TBX1: variants seen among roughly 807,000 people sequenced by gnomAD.
The protein encoded by TBX1 is T-box transcription factor 1, also known as T-box transcription factor TBX1.
Under a neutral mutation model 40.8 loss-of-function variants are expected in TBX1, and 16 were observed. That is an observed-to-expected ratio of 0.39 (90% CI 0.27 to 0.60). The LOEUF is 0.60. Ranked by LOEUF, TBX1 falls within the 20% of genes least tolerant of loss-of-function variation. The pLI is 0.51. For synonymous variants in TBX1, 403 were observed against 336.8 expected, an observed-to-expected ratio of 1.20 and a Z score of -2.15; for missense variants, 755 against 728.5, an observed-to-expected ratio of 1.04 and a Z score of -0.42.
upstream of TBX1, among the ~76,000 whole-genome samples, chr22:19,757,181 G>A (rs1370354696): frequency 6.6e-6 from 1 of 152,194 alleles, no homozygotes; most frequent in South Asian, 2.1e-4. Context: ...AGCCGGCTGG[G>A]TGGGGCCCCT....
chr22:19,781,315 T>C (rs1439354858), downstream of TBX1, among the ~76,000 whole-genome samples: 4 of 152,134 alleles, frequency 2.6e-5, no homozygotes, highest in Non-Finnish European at 5.9e-5. Context: ...GCTCCTGGAT[T>C]AAGTGATCCT....
chr22:19,758,760 C>T (rs576986837), upstream of TBX1, among the ~76,000 whole-genome samples: 11 of 152,306 alleles, frequency 7.2e-5, no homozygotes, highest in East Asian at 3.9e-4. Context: ...TGGCCAGAGG[C>T]GGGCGGTGCG....
chr22:19,783,200 G>C, downstream of TBX1: 1 of 643,888 alleles, frequency 1.6e-6, no homozygotes, highest in Non-Finnish European at 2.8e-6. Flanking sequence ...GAGCCCACGT[G>C]CCCAGAATGG....
At chr22:19,776,951 G>C (rs988228663) in intron 8 of TBX1, among the ~76,000 whole-genome samples, 1 of 151,988 alleles carries the variant, frequency 6.6e-6, no homozygotes, top group African/African-American at 2.4e-5. Flanking sequence ...GTGCAGGCAG[G>C]AAGGGCCAGC....
At chr22:19,780,651 C>T (rs1407863909), downstream of TBX1, among the ~76,000 whole-genome samples, 1 of 152,104 alleles carries the variant, frequency 6.6e-6, no homozygotes, top group Non-Finnish European at 1.5e-5. Flanking sequence ...ACTGCTGGCT[C>T]ATATGGTAAT....
At chr22:19,765,704 G>C in intron 4 of TBX1, 54 bp from the exon 5 acceptor site, 1 of 1,598,968 alleles carries the variant, frequency 6.3e-7, no homozygotes, top group South Asian at 1.1e-5. Flanking sequence ...CGCCGAGGTC[G>C]GGTGGCCCAG....
At chr22:19,773,577 G>A (rs1384137696) in intron 8 of TBX1, among the ~76,000 whole-genome samples, 1 of 152,184 alleles carries the variant, frequency 6.6e-6, no homozygotes. Context: ...ACCCCCTTCA[G>A]GAGAGCCCAT....
upstream of TBX1, chr22:19,759,422 T>C (rs1345541810): frequency 3.1e-6 from 4 of 1,303,608 alleles, no homozygotes; most frequent in African/African-American, 6.3e-5. Flanking sequence ...CTCCGTGGGC[T>C]GGGCTGGGCT....
downstream of TBX1, chr22:19,767,412 A>T: frequency 1.0e-6 from 1 of 983,190 alleles, no homozygotes. Context: ...GGGGTAGCTC[A>T]GGGCCCTCAG....
intron 3 of TBX1, among the ~76,000 whole-genome samples, 191 bp from the exon 4 acceptor site, chr22:19,764,767 T>A (rs1016932336): frequency 2.2e-4 from 34 of 152,208 alleles, no homozygotes; most frequent in Non-Finnish European, 4.9e-4. Flanking sequence ...TGGAGCTCAT[T>A]CCTGGCAGTT....
chr22:19,761,548 G>A (rs1485120422), intron 1 of TBX1, among the ~76,000 whole-genome samples: 1 of 151,574 alleles, frequency 6.6e-6, no homozygotes, highest in African/African-American at 2.4e-5. Flanking sequence ...GGAGCCCCGC[G>A]GGACTCGCCC....
At chr22:19,757,212 C>G (rs1936507190), upstream of TBX1, among the ~76,000 whole-genome samples, 1 of 152,180 alleles carries the variant, frequency 6.6e-6, no homozygotes, top group Non-Finnish European at 1.5e-5. Flanking sequence ...CGTCGCCCTT[C>G]TGGTTGACCA....
chr22:19,766,202 A>C, intron 6 of TBX1, 187 bp from the exon 7 acceptor site: 1 of 900,480 alleles, frequency 1.1e-6, no homozygotes, highest in Non-Finnish European at 1.4e-6. Flanking sequence ...CGCCGCCCGC[A>C]GAGGGGCGCG....
chr22:19,763,371 C>A, intron 2 of TBX1, 29 bp downstream of exon 2: 6 of 1,607,122 alleles, frequency 3.7e-6, no homozygotes, highest in Non-Finnish European at 5.1e-6. Context: ...GCGTGAGGGA[C>A]CGGGAGGGCA....
intron 8 of TBX1, among the ~76,000 whole-genome samples, chr22:19,774,139 T>C (rs975470364): frequency 6.6e-6 from 1 of 152,252 alleles, no homozygotes; most frequent in Admixed American, 6.5e-5. Flanking sequence ...GGAAGCCGTC[T>C]ACACTGCTGG....
chr22:19,763,431 C>T, intron 2 of TBX1, 89 bp downstream of exon 2: 1 of 1,251,124 alleles, frequency 8.0e-7, no homozygotes, highest in Non-Finnish European at 1.2e-6. Flanking sequence ...CAAGGGTCGT[C>T]TGCACCATGA....
downstream of TBX1, among the ~76,000 whole-genome samples, chr22:19,770,222 A>C (rs913651740): frequency 1.3e-5 from 2 of 152,188 alleles, no homozygotes; most frequent in Non-Finnish European, 2.9e-5. Context: ...CCTCACTCCC[A>C]AAAACTCTCC....
At chr22:19,760,393 G>A (rs1478082957), upstream of TBX1, among the ~76,000 whole-genome samples, 1 of 148,574 alleles carries the variant, frequency 6.7e-6, no homozygotes, top group Non-Finnish European at 1.5e-5. Context: ...ACAGAGATAG[G>A]GGAAGAAAAA....
chr22:19,760,105 G>A (rs1936592824), upstream of TBX1, among the ~76,000 whole-genome samples: 1 of 150,632 alleles, frequency 6.6e-6, no homozygotes, highest in Non-Finnish European at 1.5e-5. Context: ...GAAACAGAAG[G>A]ACACGAAAAG....
Sources: allele counts gnomAD v4.1 joint callset (sites outside exome capture counted in the v4.1 genomes callset), GRCh38; gene constraint gnomAD v4.1.1; transcripts MANE v1.5; gene names NCBI Gene and HGNC (gene_info 2026-07-23, HGNC 2026-07-21).